Variants in STAG1 observed in about 807,000 individuals in gnomAD.
STAG1 encodes cohesin subunit SA-1.
STAG1 carries 26 observed loss-of-function variants against 170.9 expected under a neutral mutation model. The ratio of observed to expected loss-of-function variants is 0.15; its 90% CI spans 0.11 to 0.21. STAG1 has a LOEUF of 0.21. Among genes scored for constraint, STAG1 ranks in the 10% least tolerant of loss-of-function variants. The pLI is 1.00. For missense variants in STAG1, 964 were observed against 1,509.5 expected (o/e 0.64, Z 5.99); for synonymous variants, 514 against 497.7 (o/e 1.03, Z -0.44).
chr3:136,364,779 A>G (rs1937012745), intron 25 of STAG1, among the ~76,000 whole-genome samples: 1 of 152,212 alleles, frequency 6.6e-6, no homozygotes, highest in African/African-American at 2.4e-5. Flanking sequence ...TCCAAGCTAA[A>G]GTCTACAGCC....
chr3:136,433,845 T>C (rs895573109), intron 15 of STAG1, among the ~76,000 whole-genome samples, 186 bp from the exon 16 acceptor site: 1 of 152,102 alleles, frequency 6.6e-6, no homozygotes, highest in African/African-American at 2.4e-5. Flanking sequence ...ATAAGTCAAA[T>C]AGGAAAGAGA....
intron 6 of STAG1, among the ~76,000 whole-genome samples, chr3:136,539,586 T>C (rs541367212): frequency 6.6e-6 from 1 of 152,338 alleles, no homozygotes; most frequent in African/African-American, 2.4e-5. Context: ...ACTTTACATA[T>C]GAAGGTGCAA....
At position 136,498,210 on chromosome 3, in the gene STAG1, T is replaced by TTATATATATATATA. The variant is rs374645920; in HGVS notation, c.902+1999_902+2012dup. On this transcript the variant is annotated intron_variant, in intron 9 of 33. Transcript: ENST00000383202. ...TCCATCTTAAAAAAAAAAAAAAAAA[T>TTATATATATATATA]TATATATATATATATATATATATAC... 4.2e-3 allele frequency among the ~76,000 whole-genome samples: 213 copies of TTATATATATATATA among 50,782 alleles called. 8 individuals are homozygous for TTATATATATATATA. The highest frequency in any genetic ancestry group is 5.7e-3 in the Non-Finnish European group (190 of 33,176). 33.3% of individuals were successfully genotyped at this position (50,782 alleles called of 152,430 possible). A position where few individuals can be genotyped will look rare whatever the true frequency, so the allele number is the denominator to read the frequency against.
At chr3:136,524,107 A>G (rs1292389105) in intron 6 of STAG1, among the ~76,000 whole-genome samples, 1 of 152,180 alleles carries the variant, frequency 6.6e-6, no homozygotes, top group Admixed American at 6.5e-5. Flanking sequence ...TGAACTTTAA[A>G]GTAGTTTTTT....
rs188039314 is a variant in STAG1, at chr3:136,338,243, T to C, written c.*11A>G. 6.3e-7 allele frequency: 1 copy of C among 1,593,588 alleles called. No individual in the cohort carries two copies. The highest frequency in any genetic ancestry group is 1.3e-5 in the African/African-American group (1 of 74,502). On this transcript the variant is annotated 3_prime_UTR_variant, in exon 34 of 34. Coordinates refer to ENST00000383202, the MANE Select transcript of STAG1 (RefSeq NM_005862.3). ...TAATAGAGTTCCAGATTTGTAAATTTTCTTCAGACTTCAGAACATAGGCAT... is the reference window on the plus strand; with the variant it reads ...TAATAGAGTTCCAGATTTGTAAATTCTCTTCAGACTTCAGAACATAGGCAT...
At chr3:136,750,915 C>T (rs917616044) in intron 1 of STAG1, among the ~76,000 whole-genome samples, 5 of 152,160 alleles carry the variant, frequency 3.3e-5, no homozygotes, top group Non-Finnish European at 7.3e-5. Context: ...TTTATTTTCA[C>T]TCTTCTGTAT....
intron 21 of STAG1, among the ~76,000 whole-genome samples, chr3:136,405,227 ACCT>A (rs1185070261): frequency 8.1e-6 from 1 of 123,966 alleles, no homozygotes; most frequent in Non-Finnish European, 1.7e-5. Context: ...ACATGAAAAA[ACCT>A]CTTTTTTTTT....
intron 3 of STAG1, among the ~76,000 whole-genome samples, chr3:136,616,020 G>A (rs1482139069): frequency 1.3e-5 from 2 of 152,004 alleles, no homozygotes; most frequent in African/African-American, 4.8e-5. Flanking sequence ...TGTAATCCCA[G>A]CACTTTGGGA....
At chr3:136,659,414 T>C (rs1032459861) in intron 1 of STAG1, among the ~76,000 whole-genome samples, 5 of 152,188 alleles carry the variant, frequency 3.3e-5, no homozygotes, top group Admixed American at 6.5e-5. Flanking sequence ...TCAAGCATAT[T>C]AGACTCCATT....
At chr3:136,750,896 C>A (rs1440531308) in intron 1 of STAG1, among the ~76,000 whole-genome samples, 1 of 152,172 alleles carries the variant, frequency 6.6e-6, no homozygotes, top group Non-Finnish European at 1.5e-5. Context: ...ATACAATAAA[C>A]AAGTTATTTT....
chr3:136,702,444 T>C (rs1483115460), intron 1 of STAG1, among the ~76,000 whole-genome samples: 6 of 152,196 alleles, frequency 3.9e-5, no homozygotes, highest in East Asian at 3.9e-4. Flanking sequence ...TGGAGTGCAA[T>C]GGCGCGATCT....
intron 3 of STAG1, among the ~76,000 whole-genome samples, chr3:136,606,768 G>T (rs55698815): frequency 0.39 from 43,116 of 109,938 alleles, 6,749 homozygotes; most frequent in African/African-American, 0.49. Context: ...TTTTTTTTTT[G>T]GGGACGAAGT....
At chr3:136,522,741 C>G (rs1036338332) in intron 6 of STAG1, among the ~76,000 whole-genome samples, 1 of 137,832 alleles carries the variant, frequency 7.3e-6, no homozygotes, top group Non-Finnish European at 1.5e-5. Flanking sequence ...CACGGCAGGT[C>G]CCAGCGTGTG....
intron 3 of STAG1, chr3:136,609,642 T>C (rs868468046): frequency 6.1e-6 from 1 of 164,754 alleles, no homozygotes. Context: ...CCTTCTATTC[T>C]AGTAGAATCC....
chr3:136,417,899 C>T lies in STAG1; in HGVS notation c.2182G>A (p.Ala728Thr). ...RLLKTGIEHG[A>T]MPEQIVVQAL... ...TAAACTCCTACCTGTTCTGGCATGG[C>T]TCCATGTTCAATTCCAGTCTTCAAT... Residue 728 changes from alanine to threonine, a missense_variant, in exon 21 of 34, where the codon GCC becomes ACC. By Grantham distance (58) the Ala-to-Thr change is moderately conservative. Transcript: ENST00000383202. 1.2e-6 allele frequency: 2 copies of T among 1,613,702 alleles called. No homozygotes were observed.
chr3:136,518,647 T>C (rs932816744), intron 7 of STAG1, among the ~76,000 whole-genome samples: 1 of 152,090 alleles, frequency 6.6e-6, no homozygotes, highest in Non-Finnish European at 1.5e-5. Context: ...TTAATTAGTG[T>C]AGACACATGG....
At chr3:136,662,602 T>C (rs1163873802) in intron 1 of STAG1, among the ~76,000 whole-genome samples, 5 of 152,082 alleles carry the variant, frequency 3.3e-5, no homozygotes, top group Non-Finnish European at 7.4e-5. Context: ...CGTGCCACCA[T>C]GCCCAACTAA....
At chr3:136,704,885 T>C (rs1359620926) in intron 1 of STAG1, among the ~76,000 whole-genome samples, 1 of 147,358 alleles carries the variant, frequency 6.8e-6, no homozygotes, top group Admixed American at 6.7e-5. Context: ...GGTTAATTCA[T>C]TAAGAAGATA....
chr3:136,418,727 C>T (rs1012716455), intron 20 of STAG1, among the ~76,000 whole-genome samples: 2 of 151,846 alleles, frequency 1.3e-5, no homozygotes, highest in Non-Finnish European at 2.9e-5. Context: ...CTGCAACCTC[C>T]GCCTCCCGGG....
Sources: gnomAD v4.1 joint callset for allele counts (sites outside exome capture counted in the v4.1 genomes callset) on GRCh38, gnomAD v4.1.1 for gene constraint, MANE v1.5 for transcripts, NCBI Gene and HGNC (gene_info 2026-07-23, HGNC 2026-07-21) for gene names.